SDK1: variants seen among roughly 807,000 people sequenced by gnomAD.
SDK1 encodes protein sidekick-1.
A neutral mutation model predicts 245.5 loss-of-function variants in SDK1; 157 were observed. The ratio of observed to expected loss-of-function variants is 0.64; its 90% confidence interval spans 0.56 to 0.73. The LOEUF is 0.73. Among genes scored for constraint, SDK1 ranks in the 30% least tolerant of loss-of-function variants. The pLI, the probability that SDK1 is intolerant of heterozygous loss-of-function variation, is 0.00. For missense variants in SDK1, 3,583 were observed against 3,002.3 expected (o/e 1.19, Z -4.52); for synonymous variants, 1,647 against 1,278.5 (o/e 1.29, Z -6.15).
At chr7:3,961,995 A>G (rs1051156800) in intron 8 of SDK1, among the ~76,000 whole-genome samples, 5 of 151,460 alleles carry the variant, frequency 3.3e-5, no homozygotes, top group Admixed American at 6.6e-5. Flanking sequence ...GCACAAACAC[A>G]CACACATACA....
At position 3,951,788 on chromosome 7, in the gene SDK1, C is replaced by T. The variant is rs1335362061; in HGVS notation, c.1018C>T (p.Leu340Phe). The T allele has an allele frequency of 1.2e-6, 2 of 1,613,930 alleles. No individual in the cohort carries two copies. Among genetic ancestry groups the T allele is most frequent in the Admixed American group, 1.7e-5 (1 of 60,034 alleles). ...GAATGGAGTGAGAATCACCAGTGGC[C>T]TCCACAGCTTTGGAAGACGCCTCAC... The part of the protein sequence containing the change: ...KRNGVRITSG[L>F]HSFGRRLTIS... Residue 340 changes from leucine (L) to phenylalanine (F), a missense_variant, in exon 7 of 45, where the codon CTC becomes TTC. By Grantham distance (22) the Leu-to-Phe change is conservative. Coordinates refer to ENST00000404826, the MANE Select transcript of SDK1 (RefSeq NM_152744.4).
intron 19 of SDK1, among the ~76,000 whole-genome samples, chr7:4,063,196 A>C (rs927597967): frequency 6.6e-6 from 1 of 152,166 alleles, no homozygotes; most frequent in African/African-American, 2.4e-5. Context: ...CTTGTGTCTA[A>C]ACAAACCTAG....
At position 4,026,284 on chromosome 7, in the gene SDK1, C is replaced by T. The variant is rs531241491; in HGVS notation, c.2602+8932C>T. On this transcript the variant is annotated intron_variant, in intron 17 of 44. Transcript: ENST00000404826. This position sits in a 1 kb window ranked among gnomAD's most constrained non-coding sequence, Gnocchi z 4.1. ...AGAGGAAGAGGAAGAGACACCAAGTCGGCAGGAGCCCAAGCGAGTGGCCAG... is the reference window on the plus strand; with the variant it reads ...AGAGGAAGAGGAAGAGACACCAAGTTGGCAGGAGCCCAAGCGAGTGGCCAG... Among the ~76,000 whole-genome samples the T allele has an allele frequency of 4.6e-5, 7 of 152,336 alleles. No individual in the cohort carries two copies. Among genetic ancestry groups the T allele is most frequent in the Admixed American group, 1.3e-4 (2 of 15,308 alleles).
chr7:3,318,006 G>A (rs1220111704), intron 1 of SDK1, among the ~76,000 whole-genome samples: 1 of 152,116 alleles, frequency 6.6e-6, no homozygotes. Context: ...AGTTCCCCCT[G>A]CTTGAGGCTA....
chr7:4,248,236 A>G (rs1420214069), intron 44 of SDK1, among the ~76,000 whole-genome samples: 2 of 152,068 alleles, frequency 1.3e-5, no homozygotes, highest in African/African-American at 4.8e-5. Context: ...CTGCATACAC[A>G]CATGCATACC....
At chr7:3,749,870 A>G (rs1779727670) in intron 4 of SDK1, among the ~76,000 whole-genome samples, 1 of 152,260 alleles carries the variant, frequency 6.6e-6, no homozygotes. Context: ...CTGAGTCAGT[A>G]CTGTAAAGAA....
chr7:3,604,854 G>T (rs554309862), intron 1 of SDK1, among the ~76,000 whole-genome samples: 1 of 151,454 alleles, frequency 6.6e-6, no homozygotes, highest in African/African-American at 2.4e-5. Flanking sequence ...TGCCCACCTC[G>T]GCCTCCCAAA....
chr7:3,961,452 G>A (rs1000264386), intron 8 of SDK1, among the ~76,000 whole-genome samples: 2 of 152,124 alleles, frequency 1.3e-5, no homozygotes, highest in African/African-American at 4.8e-5. Flanking sequence ...AGGGATTTTG[G>A]TGTGCTTTGC....
rs1788434832 is a variant in SDK1 at position 4,265,846 on chromosome 7, G to A, written c.*462G>A. 1.0e-6 allele frequency: 1 copy of A among 991,170 alleles called. No individual in the cohort carries two copies. Among genetic ancestry groups the A allele is most frequent in the South Asian group, 4.7e-5 (1 of 21,404 alleles). 61.4% of individuals were successfully genotyped at this position (991,170 alleles called of 1,614,324 possible). On this transcript the variant is annotated 3_prime_UTR_variant, in exon 45 of 45. Transcript: ENST00000404826. ...GCGGCTCACACCCTTCTCAACGCAG[G>A]ACATCCTCGGCGGCTCCTGGGGTTT...
chr7:3,437,606 C>CA, intron 1 of SDK1, among the ~76,000 whole-genome samples: 1 of 151,906 alleles, frequency 6.6e-6, no homozygotes, highest in Non-Finnish European at 1.5e-5. Flanking sequence ...CCCTTCTCTA[C>CA]AAAAAATAAA....
At chr7:4,016,171 A>G (rs1786387576) in intron 16 of SDK1, among the ~76,000 whole-genome samples, 1 of 152,258 alleles carries the variant, frequency 6.6e-6, no homozygotes, top group South Asian at 2.1e-4. Context: ...CTGCAGAACC[A>G]CAGAGCTCAG....
intron 4 of SDK1, among the ~76,000 whole-genome samples, chr7:3,772,143 T>A (rs1013711308): frequency 6.6e-6 from 1 of 152,218 alleles, no homozygotes; most frequent in Non-Finnish European, 1.5e-5. Context: ...GTCATGTTGC[T>A]ATTCTTTTTC....
At chr7:4,166,644 C>T (rs901891931) in intron 32 of SDK1, among the ~76,000 whole-genome samples, 3 of 152,236 alleles carry the variant, frequency 2.0e-5, no homozygotes, top group Non-Finnish European at 4.4e-5. Context: ...CTCCACAAAG[C>T]AGAAGGCACA....
Position 4,265,676 on chromosome 7 carries a change from C to G in SDK1, c.*292C>G, listed in dbSNP as rs1788423752. On this transcript the variant is annotated 3_prime_UTR_variant, in exon 45 of 45. Transcript: ENST00000404826. ...TGGCACCTCCGGGGCCTGGGAGGACCTCAGACCTCCCCAGCCCTGGGTTTC... is the reference window on the plus strand; with the variant it reads ...TGGCACCTCCGGGGCCTGGGAGGACGTCAGACCTCCCCAGCCCTGGGTTTC... 1.7e-6 allele frequency: 2 copies of G among 1,192,082 alleles called. No individual in the cohort carries two copies. The highest frequency in any genetic ancestry group is 4.6e-5 in the East Asian group (1 of 21,606). 73.8% of individuals were successfully genotyped at this position (1,192,082 alleles called of 1,614,324 possible).
chr7:3,605,879 G>A (rs1781405916), intron 1 of SDK1, among the ~76,000 whole-genome samples: 1 of 151,644 alleles, frequency 6.6e-6, no homozygotes, highest in Non-Finnish European at 1.5e-5. Context: ...TATGTTTCAT[G>A]TCTTTGACAA....
intron 5 of SDK1, among the ~76,000 whole-genome samples, chr7:3,892,319 G>T (rs1396111856): frequency 1.3e-5 from 2 of 152,198 alleles, no homozygotes; most frequent in African/African-American, 4.8e-5. Context: ...GCCGAGCTTG[G>T]CTGTGTTCTC....
At position 3,645,280 on chromosome 7, in the gene SDK1, G is replaced by A. The variant is rs542688748; in HGVS notation, c.713+3175G>A. ...TCTGCTTACAAGCATGAAGCTGTTG[G>A]TAAATCTCTAATCTCAGGAAAATAA... On this transcript the variant is annotated intron_variant, in intron 4 of 44. Coordinates refer to ENST00000404826, the MANE Select transcript of SDK1 (RefSeq NM_152744.4). 4.4e-4 allele frequency among the ~76,000 whole-genome samples: 67 copies of A among 152,276 alleles called. 1 individual carries two copies. The South Asian group carries it at 0.013, about 30-fold the overall frequency.
intron 5 of SDK1, among the ~76,000 whole-genome samples, chr7:3,855,519 T>G (rs1301800742): frequency 6.6e-6 from 1 of 151,394 alleles, no homozygotes; most frequent in Admixed American, 6.6e-5. Flanking sequence ...AGCTTAGAAA[T>G]TCTCCTAGGA....
At chr7:4,259,382 C>T (rs1787831060) in intron 44 of SDK1, among the ~76,000 whole-genome samples, 1 of 152,170 alleles carries the variant, frequency 6.6e-6, no homozygotes, top group Non-Finnish European at 1.5e-5. Flanking sequence ...TTACAGTGAG[C>T]CAAGATCGTA....
Sources: allele counts gnomAD v4.1 joint callset (sites outside exome capture counted in the v4.1 genomes callset), GRCh38; gene constraint gnomAD v4.1.1; non-coding constraint Gnocchi (gnomAD v3.1); transcripts MANE v1.5; gene names NCBI Gene and HGNC (gene_info 2026-07-23, HGNC 2026-07-21).